Variants in PIWIL3 observed in about 807,000 individuals in gnomAD.
PIWIL3 encodes the protein piwi-like protein 3.
PIWIL3 carries 101 observed loss-of-function variants against 109.7 expected under a neutral mutation model. The ratio of observed to expected loss-of-function variants is 0.92; its 90% CI spans 0.78 to 1.09. The LOEUF (loss-of-function observed/expected upper bound fraction) is 1.09. Ranked by LOEUF, PIWIL3 falls within the 50% of genes least tolerant of loss-of-function variation. The pLI is 0.00. For missense variants in PIWIL3, 1,031 were observed against 1,072.6 expected (o/e 0.96, Z 0.54); for synonymous variants, 373 against 376.4 (o/e 0.99, Z 0.10).
At chr22:24,729,097 G>A (rs927519476) in intron 14 of PIWIL3, among the ~76,000 whole-genome samples, 1 of 152,136 alleles carries the variant, frequency 6.6e-6, no homozygotes, top group Non-Finnish European at 1.5e-5. Flanking sequence ...CGGACTCCAT[G>A]GGAAGTTGCA....
chr22:24,721,180 G>T (rs1922654903), intron 19 of PIWIL3, among the ~76,000 whole-genome samples: 1 of 152,118 alleles, frequency 6.6e-6, no homozygotes, highest in Non-Finnish European at 1.5e-5. Flanking sequence ...TGTCACCCTT[G>T]ATAAGTTAGC....
At chr22:24,774,118 A>C (rs1926289607) in intron 1 of PIWIL3, among the ~76,000 whole-genome samples, 1 of 152,164 alleles carries the variant, frequency 6.6e-6, no homozygotes, top group Non-Finnish European at 1.5e-5. Flanking sequence ...CCGCATTTTA[A>C]AACTTTTTTT....
chr22:24,751,133 A>G (rs940759898), intron 9 of PIWIL3, among the ~76,000 whole-genome samples: 1 of 152,078 alleles, frequency 6.6e-6, no homozygotes, highest in Non-Finnish European at 1.5e-5. Context: ...CAAAAAAAAA[A>G]AAGTATGATA....
At chr22:24,732,283 TGG>T (rs1444522568) in intron 14 of PIWIL3, among the ~76,000 whole-genome samples, 1 of 152,242 alleles carries the variant, frequency 6.6e-6, no homozygotes. Context: ...CCATCTGTAC[TGG>T]AACAGTTTTA....
At chr22:24,719,987 G>A (rs1439824407) in intron 19 of PIWIL3, 92 bp from the exon 20 acceptor site, 1 of 1,113,980 alleles carries the variant, frequency 9.0e-7, no homozygotes, top group African/African-American at 1.6e-5. Context: ...TAGTATAATT[G>A]CTTACAAAAA....
At chr22:24,762,333 C>T in intron 2 of PIWIL3, 65 bp downstream of exon 2, 1 of 1,549,098 alleles carries the variant, frequency 6.5e-7, no homozygotes, top group Non-Finnish European at 8.7e-7. Flanking sequence ...CAACAACCAA[C>T]TCTATGTTCT....
chr22:24,745,717 GAAAAAAA>G (rs71189273), intron 12 of PIWIL3, among the ~76,000 whole-genome samples: 19 of 80,248 alleles, frequency 2.4e-4, no homozygotes, highest in Admixed American at 4.3e-4. Flanking sequence ...GTCAGACTAA[GAAAAAAA>G]AAAAAAAAAA....
intron 11 of PIWIL3, 54 bp from the exon 12 acceptor site, chr22:24,749,075 G>A: frequency 7.2e-7 from 1 of 1,397,786 alleles, no homozygotes; most frequent in South Asian, 1.2e-5. Context: ...AAAGCAGCTA[G>A]CCATTTGTGC....
intron 12 of PIWIL3, among the ~76,000 whole-genome samples, chr22:24,737,628 C>T (rs764446024): frequency 3.9e-5 from 6 of 152,134 alleles, no homozygotes; most frequent in Non-Finnish European, 7.4e-5. Context: ...TGGGGTAGAG[C>T]ATCAAGCAGG....
At chr22:24,763,475 A>G (rs1445972027) in intron 1 of PIWIL3, among the ~76,000 whole-genome samples, 1 of 151,712 alleles carries the variant, frequency 6.6e-6, no homozygotes. Context: ...TAATTTTTGT[A>G]TTTTTAGTAG....
chr22:24,753,920 A>G (rs1345543499), intron 8 of PIWIL3, 94 bp downstream of exon 8: 7 of 1,099,898 alleles, frequency 6.4e-6, no homozygotes, highest in Admixed American at 4.6e-5. Flanking sequence ...CCTCAACTTC[A>G]ACATTTAGTG....
intron 18 of PIWIL3, among the ~76,000 whole-genome samples, chr22:24,724,436 ATTT>A (rs111263336): frequency 7.4e-6 from 1 of 135,150 alleles, no homozygotes. Flanking sequence ...TAATTTTTTC[ATTT>A]TTTTTTTTTT....
chr22:24,756,431 T>A, intron 5 of PIWIL3, 60 bp downstream of exon 5: 3 of 1,487,946 alleles, frequency 2.0e-6, no homozygotes, highest in Non-Finnish European at 2.8e-6. Context: ...AGGTGTTTTA[T>A]TATAATAAAG....
intron 16 of PIWIL3, 54 bp downstream of exon 16, chr22:24,727,896 C>A: frequency 7.2e-7 from 1 of 1,398,540 alleles, no homozygotes; most frequent in Admixed American, 1.8e-5. Flanking sequence ...TTCATCTTTT[C>A]TATTTGGTCC....
At position 24,719,344 on chromosome 22, in the gene PIWIL3, G is replaced by A. The variant is rs1922524236; in HGVS notation, c.*128C>T. On this transcript the variant is annotated 3_prime_UTR_variant, in exon 21 of 21. Coordinates refer to ENST00000616349, the MANE Select transcript of PIWIL3 (RefSeq NM_001255975.1). Reference sequence around the variant, plus strand: ...GAACATATCACTCTGAATCTCTCCTGTGTCCAATCAAAAACGATGAGAATT... The same window carrying A: ...GAACATATCACTCTGAATCTCTCCTATGTCCAATCAAAAACGATGAGAATT... The A allele has an allele frequency of 1.4e-6, 1 of 700,788 alleles. No homozygotes were observed. Among genetic ancestry groups the A allele is most frequent in the African/African-American group, 1.8e-5 (1 of 55,924 alleles). The allele number at this position is 700,788 out of a possible 1,614,324, so 43.4% of individuals were successfully genotyped here. A position where few individuals can be genotyped will look rare whatever the true frequency, so the allele number is the denominator to read the frequency against.
At chr22:24,720,607 C>T (rs1314993755) in intron 19 of PIWIL3, among the ~76,000 whole-genome samples, 1 of 152,044 alleles carries the variant, frequency 6.6e-6, no homozygotes, top group Admixed American at 6.6e-5. Flanking sequence ...TAAGATTGAT[C>T]TATGTGTTAT....
At position 24,757,631 on chromosome 22, in the gene PIWIL3, C is replaced by CATATATAAAATATGTATATATT. The variant is rs1925132556; in HGVS notation, c.355+276_355+277insAATATATACATATTTTATATAT. ...AAATTTACATACACACACACACACA[C>CATATATAAAATATGTATATATT]ACACACATATATAAAATATGTATAT... On this transcript the variant is annotated intron_variant, in intron 4 of 20. Transcript: ENST00000616349. Among the ~76,000 whole-genome samples the CATATATAAAATATGTATATATT allele has an allele frequency of 2.1e-5, 3 of 140,766 alleles. No individual in the cohort carries two copies. The Admixed American group carries it at 2.4e-4, about 11-fold the overall frequency. The allele number at this position is 140,766 out of a possible 152,430, so 92.3% of individuals were successfully genotyped here. A position where few individuals can be genotyped will look rare whatever the true frequency, so the allele number is the denominator to read the frequency against.
intron 18 of PIWIL3, among the ~76,000 whole-genome samples, 179 bp from the exon 19 acceptor site, chr22:24,723,434 G>A (rs1922798977): frequency 6.6e-6 from 1 of 152,100 alleles, no homozygotes; most frequent in Non-Finnish European, 1.5e-5. Flanking sequence ...TAAATGGGGA[G>A]GTATTTATTC....
intron 18 of PIWIL3, among the ~76,000 whole-genome samples, chr22:24,724,556 T>G (rs2147647703): frequency 6.6e-6 from 1 of 151,986 alleles, no homozygotes; most frequent in Admixed American, 6.6e-5. Flanking sequence ...TGCCTCAGCC[T>G]CCCGAGTAGC....
Sources: gnomAD v4.1 joint callset for allele counts (sites outside exome capture counted in the v4.1 genomes callset) on GRCh38, gnomAD v4.1.1 for gene constraint, MANE v1.5 for transcripts, NCBI Gene and HGNC (gene_info 2026-07-23, HGNC 2026-07-21) for gene names.